The following SF3B3 variants were observed in gnomAD, a reference collection of about 807,000 sequenced individuals.
SF3B3 encodes splicing factor 3b subunit 3, also known as SAP 130.
Under a neutral mutation model 139.2 loss-of-function variants are expected in SF3B3, and 33 were observed. The ratio of observed to expected loss-of-function variants is 0.24; its 90% CI spans 0.18 to 0.32. The LOEUF is 0.32. Ranked by LOEUF, SF3B3 falls within the 10% of genes least tolerant of loss-of-function variation. The probability of loss-of-function intolerance (pLI) is 1.00; values close to 1 mark genes in which losing one functional copy is unlikely to be tolerated. For missense variants in SF3B3, 818 were observed against 1,509.4 expected (o/e 0.54, Z 7.59); for synonymous variants, 596 against 563.6 (o/e 1.06, Z -0.81).
intron 14 of SF3B3, 36 bp from the exon 15 acceptor site, chr16:70,556,850 T>C (rs972353293): frequency 2.5e-6 from 4 of 1,612,172 alleles, no homozygotes; most frequent in Non-Finnish European, 3.4e-6. Flanking sequence ...AAAATTGTCA[T>C]TTTCTGTGTT....
intron 10 of SF3B3, among the ~76,000 whole-genome samples, chr16:70,546,660 A>G (rs769086876): frequency 6.6e-6 from 1 of 152,162 alleles, no homozygotes; most frequent in Non-Finnish European, 1.5e-5. Context: ...AAAAAAATGC[A>G]TATGTGCATT....
chr16:70,565,555 T>G (rs1351323747), intron 20 of SF3B3, 31 bp downstream of exon 20: 5 of 1,591,860 alleles, frequency 3.1e-6, no homozygotes, highest in Non-Finnish European at 4.3e-6. Context: ...CTCCTAGATT[T>G]TAAGTCCCAT....
At chr16:70,535,518 T>TAA in intron 6 of SF3B3, 98 bp downstream of exon 6, 2 of 589,946 alleles carry the variant, frequency 3.4e-6, no homozygotes, top group Non-Finnish European at 5.6e-6. Flanking sequence ...TTTTGTAAAT[T>TAA]AAAAAAAAAA....
chr16:70,549,507 G>C (rs1381985966), intron 11 of SF3B3, among the ~76,000 whole-genome samples: 1 of 152,166 alleles, frequency 6.6e-6, no homozygotes, highest in Non-Finnish European at 1.5e-5. Context: ...TGGCTTGGTG[G>C]CTTGTTGATA....
chr16:70,525,957 C>CAAA (rs920550920), intron 1 of SF3B3, among the ~76,000 whole-genome samples: 27 of 42,140 alleles, frequency 6.4e-4, no homozygotes, highest in Admixed American at 8.4e-4. Context: ...TGAGACGCCT[C>CAAA]AAAAAAAAAA....
At chr16:70,552,054 A>T (rs765730020) in intron 11 of SF3B3, among the ~76,000 whole-genome samples, 1 of 152,180 alleles carries the variant, frequency 6.6e-6, no homozygotes, top group Non-Finnish European at 1.5e-5. Context: ...AAGTTCACTG[A>T]GCATTTATTC....
intron 3 of SF3B3, 21 bp from the exon 4 acceptor site, chr16:70,530,724 T>C (rs1188790564): frequency 6.3e-7 from 1 of 1,598,470 alleles, no homozygotes; most frequent in South Asian, 1.1e-5. Context: ...ATCTTGTATG[T>C]TTTATCTCCT....
At chr16:70,542,059 G>A (rs1013324621) in intron 9 of SF3B3, among the ~76,000 whole-genome samples, 1 of 152,122 alleles carries the variant, frequency 6.6e-6, no homozygotes, top group Non-Finnish European at 1.5e-5. Context: ...TGTACAGCTT[G>A]CAGGGGAGGA....
rs188771195 is a variant in SF3B3 at position 70,572,023 on chromosome 16, A to G, written c.*210A>G. The G allele has an allele frequency of 1.5e-6, 1 of 682,664 alleles. No homozygotes were observed. Among genetic ancestry groups the G allele is most frequent in the East Asian group, 2.8e-5 (1 of 35,194 alleles). 42.3% of individuals were successfully genotyped at this position (682,664 alleles called of 1,614,324 possible). On this transcript the variant is annotated 3_prime_UTR_variant, in exon 26 of 26. Transcript: ENST00000302516. ...ACTGAGATTTGCTACACTTCTCCCC[A>G]CCTGGTACATGATACATGACCCCAG...
chr16:70,564,452 T>A (rs1375843254), intron 18 of SF3B3, among the ~76,000 whole-genome samples: 1 of 152,228 alleles, frequency 6.6e-6, no homozygotes, highest in East Asian at 1.9e-4. Context: ...AGCAGAGGCC[T>A]TTGCCCCAAA....
intron 16 of SF3B3, 78 bp downstream of exon 16, chr16:70,560,669 C>T: frequency 1.3e-6 from 2 of 1,512,132 alleles, no homozygotes; most frequent in South Asian, 2.4e-5. Flanking sequence ...TTGCTGTAAG[C>T]TTCACTGTCA....
At chr16:70,530,955 A>C (rs1421139874) in intron 4 of SF3B3, 38 bp downstream of exon 4, 1 of 1,545,492 alleles carries the variant, frequency 6.5e-7, no homozygotes, top group African/African-American at 1.4e-5. Context: ...TCTTTCAGTC[A>C]CCTCAGTGTT....
intron 2 of SF3B3, among the ~76,000 whole-genome samples, chr16:70,528,289 G>A (rs1312760649): frequency 6.8e-6 from 1 of 148,122 alleles, no homozygotes; most frequent in Admixed American, 6.8e-5. Flanking sequence ...GTCAGCCTCT[G>A]GAGTAGCTGG....
chr16:70,536,394 C>T (rs992616340), intron 6 of SF3B3, among the ~76,000 whole-genome samples: 8 of 151,986 alleles, frequency 5.3e-5, no homozygotes, highest in Non-Finnish European at 8.8e-5. Context: ...GACGGAGTCT[C>T]GCTCTGTCAC....
At position 70,572,204 on chromosome 16, in the gene SF3B3, G is replaced by T. The variant is rs1442829943; in HGVS notation, c.*391G>T. ...ATGTTATCTCTGTGGGAGGAAGGAGGCAGGCTGTGGTGGGACTGGGTAGGG... is the reference window on the plus strand; with the variant it reads ...ATGTTATCTCTGTGGGAGGAAGGAGTCAGGCTGTGGTGGGACTGGGTAGGG... On this transcript the variant is annotated 3_prime_UTR_variant, in exon 26 of 26. Coordinates refer to ENST00000302516, the MANE Select transcript of SF3B3 (RefSeq NM_012426.5). 2.2e-6 allele frequency: 1 copy of T among 451,506 alleles called. No individual in the cohort carries two copies. The highest frequency in any genetic ancestry group is 4.4e-6 in the Non-Finnish European group (1 of 224,778). 28.0% of individuals were successfully genotyped at this position (451,506 alleles called of 1,614,324 possible). A position where few individuals can be genotyped will look rare whatever the true frequency, so the allele number is the denominator to read the frequency against.
intron 5 of SF3B3, 117 bp downstream of exon 5, chr16:70,532,737 C>CTGGT: frequency 1.0e-6 from 1 of 998,670 alleles, no homozygotes; most frequent in East Asian, 2.4e-5. Flanking sequence ...ACCTGAATAC[C>CTGGT]TTATCTTTTG....
At position 70,572,986 on chromosome 16, in the gene SF3B3, G is replaced by A. The variant is rs1360445514; in HGVS notation, c.*1173G>A. 1.3e-5 allele frequency: 2 copies of A among 152,144 alleles called. No individual in the cohort carries two copies. Among genetic ancestry groups the A allele is most frequent in the African/African-American group, 2.4e-5 (1 of 41,418 alleles). The allele number at this position is 152,144 out of a possible 1,614,324, so 9.4% of individuals were successfully genotyped here. ...ATGTAAAACTTTCTTTCGTCTGCAT[G>A]TGCTCAGCCATCTAAATTGAGCAAA... On this transcript the variant is annotated 3_prime_UTR_variant, in exon 26 of 26. Coordinates refer to ENST00000302516, the MANE Select transcript of SF3B3 (RefSeq NM_012426.5).
intron 15 of SF3B3, among the ~76,000 whole-genome samples, chr16:70,557,245 A>T (rs2050387520): frequency 6.6e-6 from 1 of 152,222 alleles, no homozygotes; most frequent in South Asian, 2.1e-4. Flanking sequence ...TTCACATCTG[A>T]TAAATGCTGT....
intron 13 of SF3B3, among the ~76,000 whole-genome samples, chr16:70,555,928 C>T (rs998060474): frequency 7.2e-5 from 11 of 152,184 alleles, no homozygotes; most frequent in African/African-American, 2.4e-4. Context: ...GCACATTGAC[C>T]TTGTCAAAGG....
Sources: allele counts gnomAD v4.1 joint callset (sites outside exome capture counted in the v4.1 genomes callset), GRCh38; gene constraint gnomAD v4.1.1; transcripts MANE v1.5; gene names NCBI Gene and HGNC (gene_info 2026-07-23, HGNC 2026-07-21).